MCPH1: variants seen among roughly 807,000 people sequenced by gnomAD.
MCPH1 encodes microcephalin 1.
In MCPH1, 104 loss-of-function variants were observed where a neutral mutation model predicts 84.5. That is an observed-to-expected ratio of 1.23 (90% CI 1.05 to 1.45). MCPH1 has a LOEUF of 1.45. MCPH1 is among the 40% of genes most tolerant of loss of function. MCPH1 has a pLI of 0.00. For missense variants in MCPH1, 1,498 were observed against 1,005.7 expected (o/e 1.49, Z -6.62); for synonymous variants, 514 against 366.8 (o/e 1.40, Z -4.58).
intron 12 of MCPH1, chr8:6,617,258 G>GC (rs1563195645): frequency 7.1e-6 from 1 of 140,710 alleles, no homozygotes; most frequent in African/African-American, 2.7e-5. Context: ...TTTTTTGGTG[G>GC]GGGGGGGGTG....
chr8:6,544,739 A>C (rs1026959215), intron 12 of MCPH1, among the ~76,000 whole-genome samples: 2 of 152,214 alleles, frequency 1.3e-5, no homozygotes, highest in African/African-American at 4.8e-5. Context: ...ATAAAGACAC[A>C]GATACAGCAT....
intron 5 of MCPH1, among the ~76,000 whole-genome samples, chr8:6,437,076 A>T (rs963450949): frequency 6.6e-6 from 1 of 152,180 alleles, no homozygotes; most frequent in Non-Finnish European, 1.5e-5. Context: ...ACTAATTCTG[A>T]CACAGCATTG....
Position 6,480,748 on chromosome 8 carries a change from T to G in MCPH1, c.2008T>G (p.Leu670Val). Reference sequence around the variant, plus strand: ...TGTCGTCATCCAGGTTGTGGATAAATTGAAAGGCTTTTCAATTGCACCAGA... The same window carrying G: ...TGTCGTCATCCAGGTTGTGGATAAAGTGAAAGGCTTTTCAATTGCACCAGA... ...QNVVIQVVDK[L>V]KGFSIAPDVC... Residue 670 changes from leucine to valine, a missense_variant, in exon 11 of 14, where the codon TTG becomes GTG. By Grantham distance (32) the Leu-to-Val change is conservative. Coordinates refer to ENST00000344683, the MANE Select transcript of MCPH1 (RefSeq NM_024596.5). The G allele has an allele frequency of 6.2e-7, 1 of 1,614,160 alleles. No homozygotes were observed. Among genetic ancestry groups the G allele is most frequent in the Non-Finnish European group, 8.5e-7 (1 of 1,180,028 alleles).
chr8:6,574,718 C>T (rs558384240), intron 12 of MCPH1, among the ~76,000 whole-genome samples: 25 of 152,200 alleles, frequency 1.6e-4, no homozygotes, highest in Admixed American at 8.5e-4. Context: ...TAAGTGAAAA[C>T]GAGTCATCCC....
chr8:6,413,839 C>A (rs1376312000), intron 2 of MCPH1, among the ~76,000 whole-genome samples: 1 of 151,776 alleles, frequency 6.6e-6, no homozygotes, highest in East Asian at 1.9e-4. Context: ...ACTGTAACCG[C>A]CACCTCCCGG....
chr8:6,593,091 T>TG (rs1563164741), intron 12 of MCPH1, among the ~76,000 whole-genome samples: 1 of 149,378 alleles, frequency 6.7e-6, no homozygotes, highest in Non-Finnish European at 1.5e-5. Flanking sequence ...GTTTTTTTTT[T>TG]TTTTTTTTTT....
chr8:6,551,583 G>A (rs750749094), intron 12 of MCPH1, among the ~76,000 whole-genome samples: 4 of 152,010 alleles, frequency 2.6e-5, no homozygotes, highest in African/African-American at 2.4e-5. Context: ...TAACATTTTT[G>A]TCCCAGTCAT....
At chr8:6,425,545 G>T (rs1800927272) in intron 3 of MCPH1, among the ~76,000 whole-genome samples, 1 of 152,158 alleles carries the variant, frequency 6.6e-6, no homozygotes, top group African/African-American at 2.4e-5. Flanking sequence ...GAAATTCAGG[G>T]AGAGCATCTC....
chr8:6,435,608 T>C (rs1388434084), intron 4 of MCPH1, among the ~76,000 whole-genome samples: 1 of 152,204 alleles, frequency 6.6e-6, no homozygotes, highest in Non-Finnish European at 1.5e-5. Flanking sequence ...GCTTAGGTTC[T>C]GCCCGTGGTT....
chr8:6,585,854 G>A (rs1205950304), intron 12 of MCPH1, among the ~76,000 whole-genome samples: 1 of 152,170 alleles, frequency 6.6e-6, no homozygotes, highest in Non-Finnish European at 1.5e-5. Flanking sequence ...CACGGAAGCT[G>A]GCCAACAGTC....
chr8:6,502,643 C>G (rs1053977), intron 12 of MCPH1: 1 of 153,082 alleles, frequency 6.5e-6, no homozygotes, highest in African/African-American at 2.4e-5. Flanking sequence ...TTTTTTCTTC[C>G]TTTTAATTGT....
intron 12 of MCPH1, among the ~76,000 whole-genome samples, chr8:6,512,943 G>GACAATTGAA (rs1258719363): frequency 6.6e-6 from 1 of 152,204 alleles, no homozygotes; most frequent in African/African-American, 2.4e-5. Context: ...TGAGATTGAA[G>GACAATTGAA]ACAATTGAAT....
rs908712558 is a variant in MCPH1, at chr8:6,431,421, T to C, written c.234-78T>C. 3.7e-5 allele frequency: 39 copies of C among 1,055,954 alleles called. 2 individuals are homozygous for C. In the African/African-American group the frequency reaches 5.3e-4, roughly 14 times the overall value. The allele number at this position is 1,055,954 out of a possible 1,614,324, so 65.4% of individuals were successfully genotyped here. A position where few individuals can be genotyped will look rare whatever the true frequency, so the allele number is the denominator to read the frequency against. On this transcript the variant is annotated intron_variant, in intron 3 of 13. Coordinates refer to ENST00000344683, the MANE Select transcript of MCPH1 (RefSeq NM_024596.5). ...AGCTATGGATTTCTTAAATTGCTAA[T>C]ACATGTGCAGATTTAGTGCTGTGTC...
intron 12 of MCPH1, among the ~76,000 whole-genome samples, chr8:6,572,828 C>T (rs1262381310): frequency 6.6e-6 from 1 of 152,226 alleles, no homozygotes; most frequent in Non-Finnish European, 1.5e-5. Context: ...GCCTAAGGCC[C>T]TGGGTAGTGC....
At chr8:6,460,671 T>C (rs1806182260) in intron 9 of MCPH1, among the ~76,000 whole-genome samples, 1 of 152,192 alleles carries the variant, frequency 6.6e-6, no homozygotes, top group African/African-American at 2.4e-5. Context: ...AATCATACGT[T>C]CCATATCTAA....
rs139489677 is a variant in MCPH1, at chr8:6,647,768, A to T, written c.*4719A>T. ...TGCTGCAGCTGGGGATGGGAGTGGG[A>T]ACAGAGAGCAAACATTTTGGGATGA... On this transcript the variant is annotated 3_prime_UTR_variant, in exon 14 of 14. Coordinates refer to ENST00000344683, the MANE Select transcript of MCPH1 (RefSeq NM_024596.5). 6.6e-6 allele frequency: 1 copy of T among 152,366 alleles called. No individual in the cohort carries two copies. The highest frequency in any genetic ancestry group is 2.4e-5 in the African/African-American group (1 of 41,584). 9.4% of individuals were successfully genotyped at this position (152,366 alleles called of 1,614,324 possible).
intron 3 of MCPH1, among the ~76,000 whole-genome samples, chr8:6,429,465 A>T (rs556445930): frequency 6.6e-6 from 1 of 150,460 alleles, no homozygotes; most frequent in African/African-American, 2.4e-5. Context: ...AGGGGTTCTG[A>T]GCTCCAGGTT....
At chr8:6,509,707 T>A (rs766667479) in intron 12 of MCPH1, among the ~76,000 whole-genome samples, 3 of 152,186 alleles carry the variant, frequency 2.0e-5, no homozygotes, top group Non-Finnish European at 4.4e-5. Context: ...GATAAGCCCA[T>A]TTTCTGTTGA....
chr8:6,621,891 C>G (rs1024307937), intron 13 of MCPH1, among the ~76,000 whole-genome samples, 200 bp downstream of exon 13: 1 of 151,938 alleles, frequency 6.6e-6, no homozygotes, highest in East Asian at 1.9e-4. Flanking sequence ...ACGTACAGTT[C>G]ACGAGGAAAT....
Sources: gnomAD v4.1 joint callset for allele counts (sites outside exome capture counted in the v4.1 genomes callset) on GRCh38, gnomAD v4.1.1 for gene constraint, MANE v1.5 for transcripts, NCBI Gene and HGNC (gene_info 2026-07-23, HGNC 2026-07-21) for gene names.